MITF: variants seen among roughly 807,000 people sequenced by gnomAD.
The protein encoded by MITF is melanocyte inducing transcription factor.
In MITF, 17 loss-of-function variants were observed where a neutral mutation model predicts 60.5. The observed-to-expected ratio is 0.28, with a 90% confidence interval of 0.19 to 0.42. The LOEUF (loss-of-function observed/expected upper bound fraction) is 0.42, where lower values mean the gene tolerates loss of function less well. Among genes scored for constraint, MITF ranks in the 10% least tolerant of loss-of-function variants. The pLI, the probability that MITF is intolerant of heterozygous loss-of-function variation, is 1.00. For synonymous variants in MITF, 260 were observed against 248.5 expected, an observed-to-expected ratio of 1.05 and a Z score of -0.43; for missense variants, 622 against 683.5, an observed-to-expected ratio of 0.91 and a Z score of 1.00.
chr3:69,922,882 T>C (rs2065499604), intron 2 of MITF, among the ~76,000 whole-genome samples: 2 of 152,272 alleles, frequency 1.3e-5, no homozygotes, highest in Middle Eastern at 3.4e-3. Context: ...TTAGTCAAAG[T>C]CCTAAGGCAG....
intron 2 of MITF, among the ~76,000 whole-genome samples, chr3:69,933,898 A>G (rs1158904980): frequency 6.6e-6 from 1 of 152,226 alleles, no homozygotes; most frequent in Non-Finnish European, 1.5e-5. Context: ...CTAAAAAGCT[A>G]TGAATTAGGG....
intron 1 of MITF, among the ~76,000 whole-genome samples, chr3:69,775,184 A>G (rs1350763048): frequency 6.6e-6 from 1 of 152,022 alleles, no homozygotes. Context: ...ATGCATCCGT[A>G]TGTTCAGTGT....
At chr3:69,953,228 T>C (rs2066300699) in intron 7 of MITF, among the ~76,000 whole-genome samples, 1 of 152,172 alleles carries the variant, frequency 6.6e-6, no homozygotes, top group Non-Finnish European at 1.5e-5. Flanking sequence ...ATTTCTTCTT[T>C]TAAAACACCT....
intron 8 of MITF, among the ~76,000 whole-genome samples, chr3:69,958,072 AC>A (rs1559750171): frequency 6.6e-6 from 1 of 152,102 alleles, no homozygotes; most frequent in East Asian, 1.9e-4. Flanking sequence ...AAGTTTGAAA[AC>A]CCTTTCTTAA....
At chr3:69,846,529 T>A (rs996883583) in intron 1 of MITF, among the ~76,000 whole-genome samples, 2 of 152,042 alleles carry the variant, frequency 1.3e-5, no homozygotes, top group African/African-American at 4.8e-5. Flanking sequence ...ATATAAAGCA[T>A]CTTGGCCAGC....
chr3:69,793,752 C>A (rs2062783381), intron 1 of MITF, among the ~76,000 whole-genome samples: 2 of 152,200 alleles, frequency 1.3e-5, no homozygotes, highest in South Asian at 4.1e-4. Flanking sequence ...AGAAGTGAAT[C>A]TCAGTATTGG....
chr3:69,794,889 G>A (rs149602008), intron 1 of MITF, among the ~76,000 whole-genome samples: 214 of 152,296 alleles, frequency 1.4e-3, no homozygotes, highest in African/African-American at 4.4e-3. Context: ...AGCTTTTTTA[G>A]TCTAACAGTA....
chr3:69,828,629 A>T (rs1020645924), intron 1 of MITF, among the ~76,000 whole-genome samples: 1 of 152,002 alleles, frequency 6.6e-6, no homozygotes, highest in Non-Finnish European at 1.5e-5. Flanking sequence ...ATAAATATAA[A>T]ATCACCATGG....
chr3:69,817,458 A>G (rs186243709), intron 1 of MITF, among the ~76,000 whole-genome samples: 3 of 152,220 alleles, frequency 2.0e-5, no homozygotes, highest in Admixed American at 6.5e-5. Flanking sequence ...GGTACTACTC[A>G]GGTAAAATTT....
At chr3:69,743,883 A>G (rs1703627565) in intron 1 of MITF, among the ~76,000 whole-genome samples, 1 of 152,208 alleles carries the variant, frequency 6.6e-6, no homozygotes. Flanking sequence ...TCAGGCTCAT[A>G]GTCCTTTTGT....
chr3:69,961,030 C>T (rs905072503), intron 9 of MITF, among the ~76,000 whole-genome samples: 2 of 152,140 alleles, frequency 1.3e-5, no homozygotes, highest in Admixed American at 1.3e-4. Flanking sequence ...GTTTTATGTT[C>T]TGTCTCTTCA....
At chr3:69,914,314 G>A (rs1213370124) in intron 2 of MITF, among the ~76,000 whole-genome samples, 1 of 152,098 alleles carries the variant, frequency 6.6e-6, no homozygotes, top group Non-Finnish European at 1.5e-5. Flanking sequence ...TAGAGACAGG[G>A]TTTCACCATG....
chr3:69,757,505 C>T (rs1325929191), intron 1 of MITF, among the ~76,000 whole-genome samples: 2 of 152,160 alleles, frequency 1.3e-5, no homozygotes, highest in South Asian at 4.2e-4. Context: ...GGAGAGAAGA[C>T]AGTTGGGGAG....
chr3:69,850,779 A>C (rs2063811520), intron 1 of MITF, among the ~76,000 whole-genome samples: 1 of 152,162 alleles, frequency 6.6e-6, no homozygotes, highest in African/African-American at 2.4e-5. Context: ...ATGCCAGCTA[A>C]TGGAAATTTT....
At position 69,965,274 on chromosome 3, in the gene MITF, A is replaced by T; in HGVS notation, c.*26A>T. ...CGAATCCTCCCTGCACTGCATTCGC[A>T]CAAACTGCTTCCTTTCTTGATTCGT... On this transcript the variant is annotated 3_prime_UTR_variant, in exon 10 of 10. Transcript: ENST00000352241. 1 of 1,606,724 alleles carries T rather than the reference A, an allele frequency of 6.2e-7. No homozygotes were observed.
chr3:69,886,360 A>C (rs899058739), intron 2 of MITF, among the ~76,000 whole-genome samples: 1 of 152,106 alleles, frequency 6.6e-6, no homozygotes, highest in Non-Finnish European at 1.5e-5. Flanking sequence ...TGAACACTTC[A>C]GGTCTTTTAG....
In MITF at chr3:69,879,160, C is replaced by T. The variant is rs2107275943; in HGVS notation, c.131C>T (p.Ser44Phe). Reference sequence around the variant, plus strand: ...AGTTCCGCCGAGCATCCTGGGGCCTCCAAGCCTCCGATAAGCTCCTCCAGT... The same window carrying T: ...AGTTCCGCCGAGCATCCTGGGGCCTTCAAGCCTCCGATAAGCTCCTCCAGT... ...SSSSAEHPGA[S>F]KPPISSSSMT... Residue 44 changes from serine (S) to phenylalanine (F), a missense_variant, in exon 2 of 10, where the codon TCC becomes TTC. Around this residue, in one of 5 missense-constraint regions of MITF, gnomAD observed 149 missense variants for 157.8 expected, o/e 0.94. Coordinates refer to ENST00000352241, the MANE Select transcript of MITF (RefSeq NM_001354604.2). 1 of 1,614,234 alleles carries T rather than the reference C, an allele frequency of 6.2e-7. No homozygotes were observed. The highest frequency in any genetic ancestry group is 8.5e-7 in the Non-Finnish European group (1 of 1,180,050).
intron 2 of MITF, among the ~76,000 whole-genome samples, chr3:69,910,465 T>G (rs1265528159): frequency 6.6e-6 from 1 of 152,060 alleles, no homozygotes; most frequent in Non-Finnish European, 1.5e-5. Context: ...TACCCCAGAA[T>G]GGTAGATCCA....
At chr3:69,812,552 A>T (rs1051463855) in intron 1 of MITF, among the ~76,000 whole-genome samples, 1 of 152,148 alleles carries the variant, frequency 6.6e-6, no homozygotes, top group Non-Finnish European at 1.5e-5. Context: ...TCACAGCTTT[A>T]TTATTCTCCC....
Sources: gnomAD v4.1 joint callset for allele counts (sites outside exome capture counted in the v4.1 genomes callset) on GRCh38, gnomAD v4.1.1 for gene constraint, gnomAD v4.1.1 regional missense constraint, MANE v1.5 for transcripts, NCBI Gene and HGNC (gene_info 2026-07-23, HGNC 2026-07-21) for gene names.